Variants in CPED1 observed in about 807,000 individuals in gnomAD.
CPED1 encodes cadherin-like and PC-esterase domain-containing protein 1.
Under a neutral mutation model 128.2 loss-of-function variants are expected in CPED1, and 114 were observed. The ratio of observed to expected loss-of-function variants is 0.89; its 90% confidence interval spans 0.76 to 1.04. CPED1 has a LOEUF of 1.04. CPED1 is among the 50% of genes least tolerant of loss of function. CPED1 has a pLI of 0.00. For missense variants in CPED1, 1,211 were observed against 1,207.1 expected (o/e 1.00, Z -0.05); for synonymous variants, 462 against 426.7 (o/e 1.08, Z -1.02).
chr7:121,122,289 T>A (rs1563034173), intron 7 of CPED1, among the ~76,000 whole-genome samples: 2 of 151,970 alleles, frequency 1.3e-5, no homozygotes, highest in African/African-American at 2.4e-5. Context: ...TACAGATGTG[T>A]GCCACCATTC....
intron 22 of CPED1, among the ~76,000 whole-genome samples, chr7:121,272,462 T>G (rs1264107589): frequency 6.6e-6 from 1 of 152,034 alleles, no homozygotes; most frequent in Non-Finnish European, 1.5e-5. Flanking sequence ...TCCAACTTCC[T>G]TGATGGCGGT....
intron 13 of CPED1, among the ~76,000 whole-genome samples, chr7:121,135,277 A>G (rs980884616): frequency 6.6e-6 from 1 of 152,082 alleles, no homozygotes; most frequent in Admixed American, 6.6e-5. Context: ...GTACCCACCT[A>G]TATGTCAATA....
chr7:121,237,882 C>T (rs527305302), intron 17 of CPED1, among the ~76,000 whole-genome samples: 2 of 152,242 alleles, frequency 1.3e-5, no homozygotes, highest in Admixed American at 6.5e-5. Context: ...TAATAAATTA[C>T]AGTCAGGGAA....
intron 17 of CPED1, among the ~76,000 whole-genome samples, chr7:121,242,594 A>C (rs938285429): frequency 6.6e-6 from 1 of 152,170 alleles, no homozygotes; most frequent in African/African-American, 2.4e-5. Context: ...AATTGCATAG[A>C]AAGTATTTAG....
chr7:120,994,325 G>C (rs1247577339), intron 2 of CPED1, among the ~76,000 whole-genome samples: 2 of 151,592 alleles, frequency 1.3e-5, no homozygotes, highest in Non-Finnish European at 2.9e-5. Context: ...TTCTCCTCCC[G>C]ATATCTTTCA....
In CPED1 at chr7:121,130,258, T is replaced by C; in HGVS notation, c.1541T>C (p.Phe514Ser). ...SLLNVFEQFQ[F>S]MNKKTQPHPL... ...TTAAATGTATTTGAACAATTTCAGT[T>C]CATGAATAAAAAGACACAGCCACAT... The change falls in exon 12 of 23, where the codon TTC (phenylalanine) becomes TCC (serine). Residue 514 changes from phenylalanine (F) to serine (S), a missense_variant. By Grantham distance (155) the Phe-to-Ser change is radical. Coordinates refer to ENST00000310396, the MANE Select transcript of CPED1 (RefSeq NM_024913.5). 1.2e-6 allele frequency: 2 copies of C among 1,608,132 alleles called. No homozygotes were observed. The highest frequency in any genetic ancestry group is 1.7e-6 in the Non-Finnish European group (2 of 1,177,754).
intron 18 of CPED1, among the ~76,000 whole-genome samples, chr7:121,247,517 C>G (rs190731423): frequency 1.3e-5 from 2 of 152,128 alleles, no homozygotes; most frequent in Non-Finnish European, 1.5e-5. Context: ...AACACAGATG[C>G]TAAGGCTGAG....
chr7:121,151,741 A>G lies in CPED1; in HGVS notation c.2055+9600A>G, dbSNP rs182449695. 1.4e-4 allele frequency among the ~76,000 whole-genome samples: 22 copies of G among 152,352 alleles called. No individual in the cohort carries two copies. The East Asian group carries it at 4.0e-3, about 28-fold the overall frequency. ...ACAGTATATCATTTGGACTATTTATATTGTTCTCATTAGTCAAAGCCATTG... is the reference window on the plus strand; with the variant it reads ...ACAGTATATCATTTGGACTATTTATGTTGTTCTCATTAGTCAAAGCCATTG... On this transcript the variant is annotated intron_variant, in intron 16 of 22. Coordinates refer to ENST00000310396, the MANE Select transcript of CPED1 (RefSeq NM_024913.5).
At chr7:121,237,695 C>T (rs554737494) in intron 17 of CPED1, among the ~76,000 whole-genome samples, 162 of 152,130 alleles carry the variant, frequency 1.1e-3, no homozygotes, top group Non-Finnish European at 1.9e-3. Context: ...GACCCCAAGT[C>T]TCCCTTCCTC....
At chr7:121,261,781 T>C (rs1244980059) in intron 18 of CPED1, 2 of 1,519,602 alleles carry the variant, frequency 1.3e-6, no homozygotes, top group East Asian at 2.4e-5. Flanking sequence ...GTAATAAACT[T>C]TAATTGGGTT....
At chr7:121,265,080 C>A (rs956564049) in intron 18 of CPED1, among the ~76,000 whole-genome samples, 3 of 151,980 alleles carry the variant, frequency 2.0e-5, no homozygotes, top group Admixed American at 6.6e-5. Flanking sequence ...AGGCAGCATT[C>A]GTGTAGGGTC....
chr7:121,189,772 A>ATATATATATATATATATATT (rs1420691109), intron 16 of CPED1, among the ~76,000 whole-genome samples: 4 of 66,402 alleles, frequency 6.0e-5, no homozygotes, highest in Admixed American at 3.3e-4. Context: ...ATATATATAT[A>ATATATATATATATATATATT]TATATATATA....
intron 7 of CPED1, among the ~76,000 whole-genome samples, chr7:121,107,621 T>C (rs891642159): frequency 6.6e-6 from 1 of 152,122 alleles, no homozygotes; most frequent in Non-Finnish European, 1.5e-5. Context: ...GTGAAAATAA[T>C]GGCAGTAATT....
At chr7:121,182,469 C>T (rs1796920788) in intron 16 of CPED1, among the ~76,000 whole-genome samples, 1 of 151,702 alleles carries the variant, frequency 6.6e-6, no homozygotes, top group African/African-American at 2.4e-5. Context: ...TCTTCCCTTT[C>T]TTTCTTTATT....
chr7:121,034,862 T>A (rs1383296352), intron 3 of CPED1, among the ~76,000 whole-genome samples: 1 of 152,162 alleles, frequency 6.6e-6, no homozygotes, highest in Non-Finnish European at 1.5e-5. Flanking sequence ...AGGCTATACA[T>A]GTTTAAATGT....
intron 16 of CPED1, among the ~76,000 whole-genome samples, chr7:121,150,051 C>T (rs575675013): frequency 5.3e-5 from 8 of 152,180 alleles, no homozygotes; most frequent in Non-Finnish European, 8.8e-5. Context: ...ATTTTGTTTT[C>T]ATGATTTCAG....
At chr7:121,272,993 G>T (rs1584646742) in intron 22 of CPED1, among the ~76,000 whole-genome samples, 1 of 152,058 alleles carries the variant, frequency 6.6e-6, no homozygotes, top group African/African-American at 2.4e-5. Flanking sequence ...TGTATAGGTT[G>T]TCCAGAAATT....
chr7:121,252,259 A>G (rs1002165004), intron 18 of CPED1, among the ~76,000 whole-genome samples: 1 of 152,104 alleles, frequency 6.6e-6, no homozygotes, highest in East Asian at 1.9e-4. Context: ...CTGGCTAGCC[A>G]TATGTAGAAA....
At position 121,135,998 on chromosome 7, in the gene CPED1, T is replaced by C. The variant is rs374601942; in HGVS notation, c.1649-42T>C. On this transcript the variant is annotated intron_variant, in intron 13 of 22. Transcript: ENST00000310396. ...TAAATGTATATTTTAACATTTTGATTAATGGTTTTTATTTTAAATTTACAT... is the reference window on the plus strand; with the variant it reads ...TAAATGTATATTTTAACATTTTGATCAATGGTTTTTATTTTAAATTTACAT... The C allele has an allele frequency of 2.2e-5, 31 of 1,387,240 alleles. No individual in the cohort carries two copies. The African/African-American group carries it at 4.3e-4, about 19-fold the overall frequency. 85.9% of individuals were successfully genotyped at this position (1,387,240 alleles called of 1,614,324 possible).
Sources: gnomAD v4.1 joint callset for allele counts (sites outside exome capture counted in the v4.1 genomes callset) on GRCh38, gnomAD v4.1.1 for gene constraint, MANE v1.5 for transcripts, NCBI Gene and HGNC (gene_info 2026-07-23, HGNC 2026-07-21) for gene names.